Variants in ABI3BP observed in about 807,000 individuals in gnomAD.
ABI3BP encodes ABI family member 3 binding protein, also known as target of Nesh-SH3.
ABI3BP carries 216 observed loss-of-function variants against 268.6 expected under a neutral mutation model. The ratio of observed to expected loss-of-function variants is 0.80; its 90% CI spans 0.72 to 0.90. The LOEUF (loss-of-function observed/expected upper bound fraction) is 0.90. Among genes scored for constraint, ABI3BP ranks in the 40% least tolerant of loss-of-function variants. ABI3BP has a pLI of 0.00. For missense variants in ABI3BP, 2,090 were observed against 2,182.4 expected (o/e 0.96, Z 0.84); for synonymous variants, 730 against 730.0 (o/e 1.00, Z 0.00).
chr3:100,970,844 C>T (rs2083296491), intron 1 of ABI3BP, among the ~76,000 whole-genome samples: 1 of 152,140 alleles, frequency 6.6e-6, no homozygotes, highest in African/African-American at 2.4e-5. Flanking sequence ...CATGAACTGC[C>T]ACCTGTTAGT....
In ABI3BP at chr3:100,813,671, T is replaced by C. The variant is rs1578662288; in HGVS notation, c.3354A>G (p.Glu1118=). The C allele has an allele frequency of 6.5e-7, 1 of 1,535,160 alleles. No individual in the cohort carries two copies. The highest frequency in any genetic ancestry group is 2.4e-5 in the East Asian group (1 of 40,874). The change falls in exon 45 of 68, where the codon GAA becomes GAG. Residue 1118 remains glutamate (E), a synonymous_variant. Transcript: ENST00000471714. ...AAACAATCTATTTACCAGGTTGACT[T>C]TCTGTCATTTCTAGGCTTGGTGATG... The part of the protein sequence containing the change: ...PVTSPSLEMT[E]SQPVSDVLES...
chr3:100,940,786 CTATATATATATATATATATA>C (rs1167503911), intron 1 of ABI3BP, among the ~76,000 whole-genome samples: 197 of 10,144 alleles, frequency 0.019, 24 homozygotes, highest in Middle Eastern at 0.14. Flanking sequence ...AATTACTTCA[CTATATATATATATATATATA>C]TATATATATA....
rs769225856 is a variant in ABI3BP, at chr3:100,789,496, T to C, written c.4045A>G (p.Thr1349Ala). ...TTGTCAGATGTTCTGGGCCTCACAG[T>C]AGTATAAAATCTGTGTGGCGCTGAA... is the stretch of plus-strand genomic sequence containing the variant. ...TTQAPHRFYT[T>A]VRPRTSDKPH... is the part of the protein sequence containing the mutation. Residue 1349 changes from threonine (T) to alanine (A), a missense_variant, in exon 56 of 68, where the codon ACT becomes GCT. Coordinates refer to ENST00000471714, the MANE Select transcript of ABI3BP (RefSeq NM_001375547.2). 6.9e-6 allele frequency: 11 copies of C among 1,597,890 alleles called. No individual in the cohort carries two copies. Among genetic ancestry groups the C allele is most frequent in the Non-Finnish European group, 8.5e-6 (10 of 1,171,618 alleles).
intron 2 of ABI3BP, among the ~76,000 whole-genome samples, chr3:100,916,956 T>C (rs1220704136): frequency 6.6e-6 from 1 of 152,216 alleles, no homozygotes; most frequent in African/African-American, 2.4e-5. Context: ...GCACAATTAA[T>C]TATATCAGAA....
At chr3:100,789,236 A>G (rs1406417076) in intron 56 of ABI3BP, among the ~76,000 whole-genome samples, 2 of 152,094 alleles carry the variant, frequency 1.3e-5, no homozygotes, top group African/African-American at 2.4e-5. Flanking sequence ...ATAAAATTTC[A>G]TAGTGATCTC....
At chr3:100,789,353 T>C in intron 56 of ABI3BP, 101 bp downstream of exon 56, 2 of 1,072,138 alleles carry the variant, frequency 1.9e-6, no homozygotes, top group South Asian at 1.4e-5. Context: ...ACATCTCTTA[T>C]TGCAATGTAA....
intron 9 of ABI3BP, 144 bp from the exon 10 acceptor site, chr3:100,867,100 G>T (rs2099058418): frequency 1.6e-6 from 1 of 622,266 alleles, no homozygotes; most frequent in Non-Finnish European, 2.8e-6. Context: ...TGTATCTCTA[G>T]CAGGAACTAA....
chr3:100,760,188 T>C (rs2095860309), intron 63 of ABI3BP, among the ~76,000 whole-genome samples: 1 of 152,238 alleles, frequency 6.6e-6, no homozygotes, highest in Non-Finnish European at 1.5e-5. Flanking sequence ...TAAAAGTACT[T>C]GAGCAGATTA....
rs144908377 is a variant in ABI3BP at position 100,986,017 on chromosome 3, C to G, written c.79+7289G>C. On this transcript the variant is annotated intron_variant, in intron 1 of 67. Transcript: ENST00000471714. ...TGTATGGTAAACCTGTGAGTTGCTT[C>G]TAACCAGTAGAATATGGCAGAAGTG... is the stretch of plus-strand genomic sequence containing the variant. Among the ~76,000 whole-genome samples the G allele has an allele frequency of 2.2e-4, 33 of 152,300 alleles. No homozygotes were observed. The East Asian group carries it at 6.4e-3, about 29-fold the overall frequency.
intron 6 of ABI3BP, among the ~76,000 whole-genome samples, chr3:100,880,930 C>T (rs1467296814): frequency 6.6e-6 from 1 of 151,932 alleles, no homozygotes; most frequent in South Asian, 2.1e-4. Flanking sequence ...GAGGAGCTGT[C>T]CATTTGGGTA....
intron 1 of ABI3BP, among the ~76,000 whole-genome samples, chr3:100,944,927 C>A (rs575093546): frequency 6.6e-6 from 1 of 152,128 alleles, no homozygotes; most frequent in Non-Finnish European, 1.5e-5. Context: ...CCACTGTGGG[C>A]ATCTCATATT....
intron 2 of ABI3BP, chr3:100,911,409 C>A: frequency 3.6e-6 from 1 of 275,980 alleles, no homozygotes. Context: ...CTGCCTGAAT[C>A]TATGCTCATC....
Position 100,828,468 on chromosome 3 carries a change from A to C in ABI3BP, c.2543-16T>G. On this transcript the variant is annotated splice_polypyrimidine_tract_variant and intron_variant, in intron 33 of 67. Transcript: ENST00000471714. ...GTAGCAGGAACTGGCCAAAAATAAT[A>C]AAAATAAAACACCAACAAAACATTA... The C allele has an allele frequency of 6.5e-7, 1 of 1,527,992 alleles. No individual in the cohort carries two copies. Among genetic ancestry groups the C allele is most frequent in the Non-Finnish European group, 8.8e-7 (1 of 1,141,050 alleles). The allele number at this position is 1,527,992 out of a possible 1,614,324, so 94.7% of individuals were successfully genotyped here. A position where few individuals can be genotyped will look rare whatever the true frequency, so the allele number is the denominator to read the frequency against.
chr3:100,915,318 A>T (rs1417749494), intron 2 of ABI3BP, among the ~76,000 whole-genome samples: 1 of 152,112 alleles, frequency 6.6e-6, no homozygotes, highest in African/African-American at 2.4e-5. Context: ...CTGCACTGGG[A>T]CATACTGTGT....
intron 1 of ABI3BP, among the ~76,000 whole-genome samples, chr3:100,961,822 G>T (rs2153820002): frequency 6.6e-6 from 1 of 152,266 alleles, no homozygotes; most frequent in South Asian, 2.1e-4. Context: ...CTTCATGGAT[G>T]TTTTTTACTT....
chr3:100,830,164 TAA>T (rs1491057826), intron 32 of ABI3BP, among the ~76,000 whole-genome samples: 4 of 84,924 alleles, frequency 4.7e-5, no homozygotes, highest in African/African-American at 1.4e-4. Flanking sequence ...TATATATATA[TAA>T]AATGCAGATA....
At chr3:100,775,506 C>G (rs1437975680) in intron 59 of ABI3BP, among the ~76,000 whole-genome samples, 171 bp from the exon 60 acceptor site, 2 of 151,706 alleles carry the variant, frequency 1.3e-5, no homozygotes, top group Non-Finnish European at 1.5e-5. Flanking sequence ...ATGTATGAGC[C>G]AAGTATATCA....
chr3:100,834,042 C>G (rs1359172180), intron 29 of ABI3BP, among the ~76,000 whole-genome samples: 4 of 152,174 alleles, frequency 2.6e-5, no homozygotes, highest in African/African-American at 7.2e-5. Context: ...GCAATTGTAG[C>G]TCACTGCAGT....
chr3:100,858,571 G>A (rs2098963503), intron 14 of ABI3BP, among the ~76,000 whole-genome samples: 1 of 152,172 alleles, frequency 6.6e-6, no homozygotes, highest in South Asian at 2.1e-4. Flanking sequence ...TGCTGATACA[G>A]AATATGTTGA....
Sources: gnomAD v4.1 joint callset for allele counts (sites outside exome capture counted in the v4.1 genomes callset) on GRCh38, gnomAD v4.1.1 for gene constraint, MANE v1.5 for transcripts, NCBI Gene and HGNC (gene_info 2026-07-23, HGNC 2026-07-21) for gene names.